AGBL1: variants seen among roughly 807,000 people sequenced by gnomAD.
The protein encoded by AGBL1 is AGBL carboxypeptidase 1.
In AGBL1, 130 loss-of-function variants were observed where a neutral mutation model predicts 118.9. That is an observed-to-expected ratio of 1.09 (90% CI 0.95 to 1.26). AGBL1 has a LOEUF of 1.26. Ranked by LOEUF, AGBL1 falls within the 50% of genes most tolerant of loss-of-function variation. The pLI, the probability that AGBL1 is intolerant of heterozygous loss-of-function variation, is 0.00. For synonymous variants in AGBL1, 555 were observed against 478.9 expected (o/e 1.16, Z -2.08); for missense variants, 1,584 against 1,298.1 (o/e 1.22, Z -3.38).
At chr15:86,139,397 T>C (rs1002512435) in intron 1 of AGBL1, among the ~76,000 whole-genome samples, 4 of 152,156 alleles carry the variant, frequency 2.6e-5, no homozygotes, top group African/African-American at 4.8e-5. Context: ...GGGATTCTCT[T>C]GAGAAAAGGA....
chr15:86,840,989 T>C (rs1047287625), intron 22 of AGBL1, among the ~76,000 whole-genome samples: 10 of 152,188 alleles, frequency 6.6e-5, no homozygotes, highest in African/African-American at 2.4e-4. Flanking sequence ...AAGTTATCTA[T>C]GAAAAATGAG....
intron 21 of AGBL1, chr15:86,556,088 C>A: frequency 1.6e-6 from 1 of 632,804 alleles, no homozygotes; most frequent in Non-Finnish European, 2.7e-6. Context: ...AGCACCAATT[C>A]AAACAAACAG....
intron 17 of AGBL1, among the ~76,000 whole-genome samples, chr15:86,347,318 C>T (rs2080553538): frequency 6.6e-6 from 1 of 152,202 alleles, no homozygotes; most frequent in South Asian, 2.1e-4. Flanking sequence ...TGGCAATTGT[C>T]TTTGGTGTTC....
At chr15:86,550,617 A>G (rs1426877535) in intron 20 of AGBL1, among the ~76,000 whole-genome samples, 1 of 152,170 alleles carries the variant, frequency 6.6e-6, no homozygotes, top group Admixed American at 6.5e-5. Context: ...TCTGACATAC[A>G]AGAAGAAAAA....
intron 1 of AGBL1, among the ~76,000 whole-genome samples, chr15:86,082,000 A>C (rs772342723): frequency 6.6e-6 from 1 of 152,180 alleles, no homozygotes; most frequent in Non-Finnish European, 1.5e-5. Context: ...CTTAGTTCCC[A>C]ATTAAGCAGA....
At chr15:87,009,230 C>A (rs2081534398) in intron 24 of AGBL1, among the ~76,000 whole-genome samples, 1 of 152,116 alleles carries the variant, frequency 6.6e-6, no homozygotes, top group Admixed American at 6.5e-5. Flanking sequence ...AGTCTTGGGA[C>A]TTGGTGCCCT....
At chr15:86,259,080 G>C (rs2078942689) in intron 9 of AGBL1, among the ~76,000 whole-genome samples, 1 of 152,164 alleles carries the variant, frequency 6.6e-6, no homozygotes, top group Non-Finnish European at 1.5e-5. Context: ...AAGTTTTCTA[G>C]ACCTTGGCAC....
chr15:86,542,652 A>G (rs2083520901), intron 19 of AGBL1, among the ~76,000 whole-genome samples: 1 of 152,056 alleles, frequency 6.6e-6, no homozygotes, highest in Non-Finnish European at 1.5e-5. Flanking sequence ...TCCAGGAGTG[A>G]GCCACTGCGC....
At chr15:86,354,875 C>A (rs935390071) in intron 17 of AGBL1, among the ~76,000 whole-genome samples, 5 of 152,048 alleles carry the variant, frequency 3.3e-5, no homozygotes, top group Non-Finnish European at 5.9e-5. Context: ...TGGAATCAGA[C>A]GTGGTAGAAA....
intron 5 of AGBL1, among the ~76,000 whole-genome samples, chr15:86,176,496 A>C (rs1276494613): frequency 6.6e-6 from 1 of 152,172 alleles, no homozygotes; most frequent in African/African-American, 2.4e-5. Context: ...GTCCTGGAGA[A>C]AGCTTCCCTG....
chr15:86,974,609 T>A (rs1200425701), intron 23 of AGBL1, among the ~76,000 whole-genome samples: 1 of 142,038 alleles, frequency 7.0e-6, no homozygotes, highest in Non-Finnish European at 1.5e-5. Context: ...TTATATAATA[T>A]AAATTATATA....
At chr15:86,821,807 G>T (rs2078946551) in intron 22 of AGBL1, among the ~76,000 whole-genome samples, 1 of 152,078 alleles carries the variant, frequency 6.6e-6, no homozygotes, top group Admixed American at 6.6e-5. Context: ...CACCTTTAAG[G>T]TGCTGCTTCA....
intron 4 of AGBL1, among the ~76,000 whole-genome samples, chr15:86,156,738 C>T (rs2077196423): frequency 6.6e-6 from 1 of 151,722 alleles, no homozygotes; most frequent in Admixed American, 6.6e-5. Context: ...TCTAATTACC[C>T]CAAGAACTAC....
At chr15:86,930,723 A>G (rs2080594514) in intron 23 of AGBL1, among the ~76,000 whole-genome samples, 1 of 152,198 alleles carries the variant, frequency 6.6e-6, no homozygotes, top group Non-Finnish European at 1.5e-5. Context: ...TTATTTTCAA[A>G]GTGAGATAGA....
At chr15:86,460,799 T>C (rs2142084867) in intron 18 of AGBL1, among the ~76,000 whole-genome samples, 1 of 152,324 alleles carries the variant, frequency 6.6e-6, no homozygotes, top group East Asian at 1.9e-4. Flanking sequence ...TTCTGTGCCA[T>C]TGACACTTGA....
At chr15:86,150,402 G>C (rs2077091850) in intron 3 of AGBL1, among the ~76,000 whole-genome samples, 1 of 152,018 alleles carries the variant, frequency 6.6e-6, no homozygotes, top group African/African-American at 2.4e-5. Flanking sequence ...AAGAAGAAAA[G>C]AAGAATCAAA....
chr15:86,822,131 G>A (rs1456941721), intron 22 of AGBL1, among the ~76,000 whole-genome samples: 1 of 152,132 alleles, frequency 6.6e-6, no homozygotes, highest in Middle Eastern at 3.2e-3. Context: ...AATAAAAAAT[G>A]GAAGTTCGTG....
chr15:86,890,933 G>C (rs1446419588), intron 22 of AGBL1, among the ~76,000 whole-genome samples: 1 of 152,070 alleles, frequency 6.6e-6, no homozygotes, highest in East Asian at 1.9e-4. Flanking sequence ...AAGATGTGAA[G>C]AATGTCAGTG....
chr15:86,672,616 C>T (rs1370493978), intron 21 of AGBL1, among the ~76,000 whole-genome samples: 2 of 152,162 alleles, frequency 1.3e-5, no homozygotes, highest in African/African-American at 4.8e-5. Context: ...CCAATCAAGC[C>T]AGCCATTCTA....
Sources: gnomAD v4.1 joint callset for allele counts (sites outside exome capture counted in the v4.1 genomes callset) on GRCh38, gnomAD v4.1.1 for gene constraint, MANE v1.5 for transcripts, NCBI Gene and HGNC (gene_info 2026-07-23, HGNC 2026-07-21) for gene names.